The following KNTC1 variants were observed in gnomAD, a reference collection of about 807,000 sequenced individuals.
KNTC1 encodes kinetochore-associated protein 1.
KNTC1 carries 253 observed loss-of-function variants against 314.4 expected under a neutral mutation model. The observed-to-expected ratio is 0.80, with a 90% CI of 0.73 to 0.89. The LOEUF is 0.89. Among genes scored for constraint, KNTC1 ranks in the 40% least tolerant of loss-of-function variants. The pLI, the probability that KNTC1 is intolerant of heterozygous loss-of-function variation, is 0.00. For synonymous variants in KNTC1, 901 were observed against 901.4 expected (o/e 1.00, Z 0.01); for missense variants, 2,475 against 2,572.9 (o/e 0.96, Z 0.82).
chr12:122,547,146 T>G (rs575753865), intron 10 of KNTC1, among the ~76,000 whole-genome samples: 1 of 152,174 alleles, frequency 6.6e-6, no homozygotes, highest in Non-Finnish European at 1.5e-5. Flanking sequence ...AAATGTAAAT[T>G]TTTAATCATT....
chr12:122,591,826 C>T (rs143904829), intron 42 of KNTC1, among the ~76,000 whole-genome samples: 2 of 152,362 alleles, frequency 1.3e-5, no homozygotes, highest in African/African-American at 2.4e-5. Context: ...ATATACCATG[C>T]TTCAAGAACT....
chr12:122,599,205 G>A (rs566447437), intron 44 of KNTC1, among the ~76,000 whole-genome samples: 2 of 152,038 alleles, frequency 1.3e-5, no homozygotes, highest in South Asian at 4.2e-4. Flanking sequence ...GGGCTCAAGT[G>A]ATCGTCCTGT....
chr12:122,601,990 G>A (rs1032757182), intron 45 of KNTC1: 2 of 157,800 alleles, frequency 1.3e-5, no homozygotes, highest in Non-Finnish European at 2.8e-5. Flanking sequence ...GTGTATTAAT[G>A]GGTAGGTCCA....
At chr12:122,608,515 C>T (rs1242841943) in intron 51 of KNTC1, among the ~76,000 whole-genome samples, 1 of 152,170 alleles carries the variant, frequency 6.6e-6, no homozygotes, top group East Asian at 1.9e-4. Context: ...AGAGCATGGA[C>T]TGTGCTTCAG....
At position 122,585,643 on chromosome 12, in the gene KNTC1, T is replaced by C; in HGVS notation, c.3542T>C (p.Phe1181Ser). ...GTATGATTTGGCACCTAGGCTTCTTTTGGGACACATAAAGATCCATATGAA... is the reference window on the plus strand; with the variant it reads ...GTATGATTTGGCACCTAGGCTTCTTCTGGGACACATAAAGATCCATATGAA... ...DDCGILMKASFGTHKDPYEEW... is the reference protein window; with the variant it reads ...DDCGILMKASSGTHKDPYEEW... The change falls in exon 37 of 64, where the codon TTT becomes TCT. Residue 1181 changes from phenylalanine (F) to serine (S), a missense_variant. Coordinates refer to ENST00000333479, the MANE Select transcript of KNTC1 (RefSeq NM_014708.6). 2 of 1,613,900 alleles carry C rather than the reference T, an allele frequency of 1.2e-6. No homozygotes were observed. The highest frequency in any genetic ancestry group is 1.7e-6 in the Non-Finnish European group (2 of 1,179,856).
chr12:122,546,356 T>A (rs1962763256), intron 9 of KNTC1, 87 bp downstream of exon 9: 1 of 801,012 alleles, frequency 1.2e-6, no homozygotes, highest in South Asian at 1.6e-5. Context: ...ATATGGGTCA[T>A]TTTACCCTAC....
chr12:122,573,084 TTGTATA>T, intron 25 of KNTC1, 28 bp downstream of exon 25: 1 of 1,613,160 alleles, frequency 6.2e-7, no homozygotes, highest in Non-Finnish European at 8.5e-7. Context: ...AAGAATTATT[TTGTATA>T]TCAAGTTATG....
At chr12:122,613,421 C>T (rs1454708816) in intron 54 of KNTC1, 191 bp downstream of exon 54, 3 of 656,290 alleles carry the variant, frequency 4.6e-6, no homozygotes, top group Non-Finnish European at 7.5e-6. Flanking sequence ...TCCATCGTTT[C>T]TTGGAGACAT....
At chr12:122,619,886 T>A (rs575238641) in intron 59 of KNTC1, among the ~76,000 whole-genome samples, 1 of 152,000 alleles carries the variant, frequency 6.6e-6, no homozygotes, top group African/African-American at 2.4e-5. Context: ...TTGAGTCTTC[T>A]GGCTGGGTGC....
intron 39 of KNTC1, among the ~76,000 whole-genome samples, chr12:122,588,132 G>T (rs768017514): frequency 1.3e-5 from 2 of 152,172 alleles, no homozygotes; most frequent in African/African-American, 2.4e-5. Flanking sequence ...TCAGATTCAG[G>T]GAGGTGGAAT....
intron 16 of KNTC1, among the ~76,000 whole-genome samples, chr12:122,556,743 G>C (rs1333260408): frequency 2.0e-5 from 3 of 151,562 alleles, no homozygotes. Context: ...GATTACAGGC[G>C]TGAGCCACCG....
chr12:122,590,563 T>A (rs1238938391), intron 40 of KNTC1, 44 bp from the exon 41 acceptor site: 5 of 1,567,620 alleles, frequency 3.2e-6, no homozygotes, highest in Non-Finnish European at 4.3e-6. Flanking sequence ...TAATTCTGTT[T>A]TGATTGTGAA....
rs1348567131 is a variant in KNTC1 at position 122,549,759 on chromosome 12, TTC to T, written c.988-5_988-4del. 3 of 1,340,298 alleles carry T rather than the reference TTC, an allele frequency of 2.2e-6. No individual in the cohort carries two copies. Among genetic ancestry groups the T allele is most frequent in the Non-Finnish European group, 3.2e-6 (3 of 950,482 alleles). 83.0% of individuals were successfully genotyped at this position (1,340,298 alleles called of 1,614,324 possible). ...TGCTAAATTAATTGCTCTGCTATTT[TTC>T]TTAGATGAAAAACCTCATGGTTTAT... On this transcript the variant is annotated splice_polypyrimidine_tract_variant and splice_region_variant and intron_variant, in intron 12 of 63. Transcript: ENST00000333479.
chr12:122,616,552 C>T (rs1873786843), intron 57 of KNTC1, among the ~76,000 whole-genome samples: 1 of 152,182 alleles, frequency 6.6e-6, no homozygotes, highest in South Asian at 2.1e-4. Flanking sequence ...TGAGCCACCG[C>T]ACCCGGCCGA....
intron 44 of KNTC1, 65 bp downstream of exon 44, chr12:122,598,003 C>T (rs1342620407): frequency 8.4e-7 from 1 of 1,185,824 alleles, no homozygotes; most frequent in African/African-American, 1.5e-5. Context: ...TAATTAGATA[C>T]ATTAGTAACA....
intron 51 of KNTC1, among the ~76,000 whole-genome samples, chr12:122,607,629 G>C (rs144570116): frequency 7.4e-4 from 112 of 152,102 alleles, no homozygotes; most frequent in African/African-American, 2.6e-3. Flanking sequence ...ACTTGGTTAC[G>C]GTGTTGTCTG....
At chr12:122,546,973 C>G (rs1962819273) in intron 10 of KNTC1, among the ~76,000 whole-genome samples, 1 of 150,688 alleles carries the variant, frequency 6.6e-6, no homozygotes, top group African/African-American at 2.4e-5. Context: ...GCTGGGATTA[C>G]AGGCGCCCAT....
At chr12:122,592,945 T>G (rs1870489719) in intron 42 of KNTC1, 1 of 152,398 alleles carries the variant, frequency 6.6e-6, no homozygotes, top group South Asian at 2.1e-4. Flanking sequence ...ATCTGCAGCT[T>G]CTTTCCTGAG....
At chr12:122,552,572 C>T (rs1178793584) in intron 16 of KNTC1, among the ~76,000 whole-genome samples, 1 of 152,116 alleles carries the variant, frequency 6.6e-6, no homozygotes, top group Non-Finnish European at 1.5e-5. Context: ...CCATGTTACC[C>T]AGGCTGGTCT....
Sources: allele counts gnomAD v4.1 joint callset (sites outside exome capture counted in the v4.1 genomes callset), GRCh38; gene constraint gnomAD v4.1.1; transcripts MANE v1.5; gene names NCBI Gene and HGNC (gene_info 2026-07-23, HGNC 2026-07-21).